DMXL1: variants seen among roughly 807,000 people sequenced by gnomAD.
The protein encoded by DMXL1 is dmX-like protein 1.
DMXL1 carries 99 observed loss-of-function variants against 319.2 expected under a neutral mutation model. That is an observed-to-expected ratio of 0.31 (90% CI 0.26 to 0.37). The LOEUF is 0.37. DMXL1 is among the 10% of genes least tolerant of loss of function. The probability of loss-of-function intolerance (pLI) is 1.00; values close to 1 mark genes in which losing one functional copy is unlikely to be tolerated. For synonymous variants in DMXL1, 1,385 were observed against 1,235.2 expected (o/e 1.12, Z -2.54); for missense variants, 3,745 against 3,595.6 (o/e 1.04, Z -1.06).
At chr5:119,079,825 A>G (rs1015671169) in intron 1 of DMXL1, among the ~76,000 whole-genome samples, 1 of 152,018 alleles carries the variant, frequency 6.6e-6, no homozygotes, top group Non-Finnish European at 1.5e-5. Flanking sequence ...TAGTTATACC[A>G]TACTCGCCCC....
chr5:119,207,020 A>G lies in DMXL1; in HGVS notation c.7926+124A>G, dbSNP rs1470131858. 8 of 567,792 alleles carry G rather than the reference A, an allele frequency of 1.4e-5. No individual in the cohort carries two copies. The East Asian group carries it at 2.6e-4, about 19-fold the overall frequency. 35.2% of individuals were successfully genotyped at this position (567,792 alleles called of 1,614,324 possible). On this transcript the variant is annotated intron_variant, in intron 34 of 43. Transcript: ENST00000539542. The stretch of plus-strand genomic sequence containing the variant: ...ATTTAAAGTATTGTTCCCTCAAATT[A>G]TTCTCCTTTTATTTTAACAACTTAA...
chr5:119,228,801 A>G (rs1309144405), intron 38 of DMXL1, among the ~76,000 whole-genome samples: 1 of 152,176 alleles, frequency 6.6e-6, no homozygotes, highest in Non-Finnish European at 1.5e-5. Flanking sequence ...TTACTGTGGA[A>G]AAATATTTAA....
chr5:119,072,285 A>G (rs977841531), intron 1 of DMXL1, among the ~76,000 whole-genome samples: 7 of 152,182 alleles, frequency 4.6e-5, no homozygotes, highest in African/African-American at 1.7e-4. Flanking sequence ...TTCATTGGTC[A>G]CATATTGACA....
intron 39 of DMXL1, among the ~76,000 whole-genome samples, chr5:119,234,254 T>C (rs1325264253): frequency 6.6e-6 from 1 of 152,180 alleles, no homozygotes; most frequent in African/African-American, 2.4e-5. Flanking sequence ...TCAGAGGCAG[T>C]GCACCCACAG....
chr5:119,125,810 C>T lies in DMXL1; in HGVS notation c.1103-3401C>T, dbSNP rs547562829. ...CAATCTCCTGACCTCGTGATCCACC[C>T]ACCTTGACCTCCCAAAGCATTGGGA... is the stretch of plus-strand genomic sequence containing the variant. On this transcript the variant is annotated intron_variant, in intron 9 of 43. Coordinates refer to ENST00000539542, the MANE Select transcript of DMXL1 (RefSeq NM_001290321.3). Among the ~76,000 whole-genome samples the T allele has an allele frequency of 2.6e-4, 39 of 152,248 alleles. 1 individual carries two copies. The highest frequency in any genetic ancestry group is 2.5e-3 in the Admixed American group (38 of 15,286).
rs1749446784 is a variant in DMXL1, at chr5:119,071,190, C to G, written c.-380C>G. The G allele has an allele frequency of 4.0e-6, 1 of 247,510 alleles. No homozygotes were observed. The allele number at this position is 247,510 out of a possible 1,614,324, so 15.3% of individuals were successfully genotyped here. A position where few individuals can be genotyped will look rare whatever the true frequency, so the allele number is the denominator to read the frequency against. ...GCGAGCGCGTACTGCTTGCGCCACT[C>G]GGGCTGGGTCAGGAGCGGCTGCCCG... On this transcript the variant is annotated 5_prime_UTR_variant, in exon 1 of 44. Transcript: ENST00000539542.
intron 9 of DMXL1, among the ~76,000 whole-genome samples, 168 bp from the exon 10 acceptor site, chr5:119,129,043 C>G (rs563857980): frequency 6.6e-6 from 1 of 151,708 alleles, no homozygotes; most frequent in Non-Finnish European, 1.5e-5. Flanking sequence ...GGCAACAGAG[C>G]GAAACTCTGT....
intron 28 of DMXL1, 128 bp downstream of exon 28, chr5:119,178,372 A>T (rs1776211808): frequency 9.3e-7 from 1 of 1,075,986 alleles, no homozygotes; most frequent in African/African-American, 1.6e-5. Context: ...AAGCATAAAC[A>T]AATAGTCATA....
chr5:119,081,756 A>G, intron 1 of DMXL1: 1 of 981,248 alleles, frequency 1.0e-6, no homozygotes, highest in Non-Finnish European at 1.2e-6. Flanking sequence ...CTGTGCATGG[A>G]GAATTTTGTT....
intron 2 of DMXL1, 50 bp from the exon 3 acceptor site, chr5:119,101,885 C>A: frequency 2.4e-6 from 3 of 1,247,836 alleles, no homozygotes; most frequent in Non-Finnish European, 3.4e-6. Context: ...TTTTTTGATT[C>A]ATAAGTAAGT....
At position 119,135,402 on chromosome 5, in the gene DMXL1, C is replaced by T. The variant is rs117403304; in HGVS notation, c.2376+1013C>T. ...CAGGGAAAATTTCACAGAAAAAGTACTATTTGATTAAAGATCTGAAGGAGA... is the reference window on the plus strand; with the variant it reads ...CAGGGAAAATTTCACAGAAAAAGTATTATTTGATTAAAGATCTGAAGGAGA... On this transcript the variant is annotated intron_variant, in intron 13 of 43. Transcript: ENST00000539542. Among the ~76,000 whole-genome samples the T allele has an allele frequency of 4.0e-3, 604 of 152,190 alleles. 10 individuals carry two copies. Among genetic ancestry groups the T allele is most frequent in the South Asian group, 0.026 (126 of 4,818 alleles).
In DMXL1 at chr5:119,133,608, G is replaced by A. The variant is rs1434773694; in HGVS notation, c.1684G>A (p.Gly562Arg). ...GAATGTTGACTTGGCTATTCAGCAG[G>A]GGAAACAAAAACCTTCTGGCCTCAC... ...TKNVDLAIQQ[G>R]KQKPSGLTRS... The change falls in exon 12 of 44, where the codon GGG becomes AGG. Residue 562 changes from glycine (G) to arginine (R), a missense_variant. Physicochemically the swap from Gly to Arg is moderately radical, Grantham distance 125 (BLOSUM62 -2). Around this residue, in one of 4 missense-constraint regions of DMXL1, gnomAD observed 2,096 missense variants for 1,985.4 expected, o/e 1.06. Coordinates refer to ENST00000539542, the MANE Select transcript of DMXL1 (RefSeq NM_001290321.3). The A allele has an allele frequency of 1.9e-6, 3 of 1,613,988 alleles. No individual in the cohort carries two copies. In the Admixed American group the frequency reaches 5.0e-5, roughly 27 times the overall value.
At chr5:119,161,882 A>G (rs528524478) in intron 19 of DMXL1, among the ~76,000 whole-genome samples, 120 of 152,232 alleles carry the variant, frequency 7.9e-4, no homozygotes, top group African/African-American at 2.7e-3. Flanking sequence ...CTCTAATTGG[A>G]TGCTACCACT....
chr5:119,071,805 G>A (rs1199884176), intron 1 of DMXL1, 149 bp downstream of exon 1: 2 of 637,982 alleles, frequency 3.1e-6, no homozygotes, highest in African/African-American at 1.9e-5. Flanking sequence ...CCTGGCCCTT[G>A]AGAACTAAGG....
chr5:119,160,936 G>T (rs1772131730), intron 19 of DMXL1, among the ~76,000 whole-genome samples: 1 of 152,042 alleles, frequency 6.6e-6, no homozygotes, highest in South Asian at 2.1e-4. Context: ...TTTTTAAGTG[G>T]ATTATTCCAA....
At chr5:119,139,941 A>G (rs1197617315) in intron 13 of DMXL1, among the ~76,000 whole-genome samples, 1 of 152,240 alleles carries the variant, frequency 6.6e-6, no homozygotes, top group Non-Finnish European at 1.5e-5. Context: ...CCACAGTGCA[A>G]TAAAAATAGA....
At chr5:119,140,651 A>G (rs1042018671) in intron 13 of DMXL1, among the ~76,000 whole-genome samples, 4 of 152,112 alleles carry the variant, frequency 2.6e-5, no homozygotes, top group African/African-American at 9.7e-5. Flanking sequence ...GATCTGAGGG[A>G]TTCATAGCTG....
At chr5:119,138,604 C>A (rs374932517) in intron 13 of DMXL1, among the ~76,000 whole-genome samples, 1 of 152,076 alleles carries the variant, frequency 6.6e-6, no homozygotes, top group Non-Finnish European at 1.5e-5. Flanking sequence ...TTTTGGAGGC[C>A]GTGGCAGGTG....
At chr5:119,142,517 TA>T (rs148846123) in intron 13 of DMXL1, among the ~76,000 whole-genome samples, 2,080 of 62,284 alleles carry the variant, frequency 0.033, 34 homozygotes, top group African/African-American at 0.084. Flanking sequence ...TATTAAAAAG[TA>T]AAAAAAAAAA....
Sources: allele counts gnomAD v4.1 joint callset (sites outside exome capture counted in the v4.1 genomes callset), GRCh38; gene constraint gnomAD v4.1.1; regional missense constraint gnomAD v4.1.1; transcripts MANE v1.5; gene names NCBI Gene and HGNC (gene_info 2026-07-23, HGNC 2026-07-21).